The following TBC1D32 variants were observed in gnomAD, a reference collection of about 807,000 sequenced individuals.
TBC1D32 encodes TBC1 domain family member 32.
Under a neutral mutation model 170.3 loss-of-function variants are expected in TBC1D32, and 151 were observed. The observed-to-expected ratio is 0.89, with a 90% confidence interval of 0.78 to 1.01. The LOEUF is 1.01. TBC1D32 is among the 50% of genes least tolerant of loss of function. The probability of loss-of-function intolerance (pLI) is 0.00; values close to 1 mark genes in which losing one functional copy is unlikely to be tolerated. For synonymous variants in TBC1D32, 498 were observed against 488.0 expected (o/e 1.02, Z -0.27); for missense variants, 1,464 against 1,457.1 (o/e 1.00, Z -0.08).
chr6:121,244,784 C>T (rs866999510), intron 17 of TBC1D32, among the ~76,000 whole-genome samples: 4 of 152,194 alleles, frequency 2.6e-5, no homozygotes, highest in African/African-American at 7.2e-5. Context: ...CATTGGGAGC[C>T]AATTTGTGGG....
At chr6:121,294,783 T>C (rs1403622052) in intron 10 of TBC1D32, 123 bp from the exon 11 acceptor site, 2 of 763,976 alleles carry the variant, frequency 2.6e-6, no homozygotes, top group African/African-American at 1.8e-5. Flanking sequence ...TTTAGTACAG[T>C]ACCTTTCTAG....
At chr6:121,114,579 G>T (rs1369593666) in intron 27 of TBC1D32, among the ~76,000 whole-genome samples, 1 of 151,970 alleles carries the variant, frequency 6.6e-6, no homozygotes, top group Non-Finnish European at 1.5e-5. Context: ...AAAATACCCA[G>T]CTTTTTAAAC....
rs1252089409 is a variant in TBC1D32 at position 121,091,015 on chromosome 6, AC to A, written c.3491del (p.Cys1164PhefsTer6). 6.2e-7 allele frequency: 1 copy of A among 1,609,180 alleles called. No individual in the cohort carries two copies. Among genetic ancestry groups the A allele is most frequent in the South Asian group, 1.1e-5 (1 of 90,048 alleles). ...CTATCCAATCTAAGTAATTCCAAAA[AC>A]ACTGGGTTATCCATTGCAGGCAAAT... is the stretch of plus-strand genomic sequence containing the variant. ...SQICLQWITQ[C>X]FWNYLDWIEI... On this transcript the variant is annotated frameshift_variant, in exon 31 of 32. Transcript: ENST00000398212. LOFTEE classifies it high-confidence loss of function.
chr6:121,326,578 G>A (rs1810489734), intron 1 of TBC1D32, among the ~76,000 whole-genome samples: 1 of 152,118 alleles, frequency 6.6e-6, no homozygotes, highest in Admixed American at 6.5e-5. Flanking sequence ...AATCTACTCT[G>A]TGGAAATCGG....
intron 15 of TBC1D32, among the ~76,000 whole-genome samples, chr6:121,276,853 G>A (rs1802288851): frequency 6.6e-6 from 1 of 152,072 alleles, no homozygotes; most frequent in Non-Finnish European, 1.5e-5. Flanking sequence ...TTTCCAAGAA[G>A]ACATAACAAT....
chr6:121,266,950 T>C (rs1223205898), intron 15 of TBC1D32, among the ~76,000 whole-genome samples: 2 of 151,100 alleles, frequency 1.3e-5, no homozygotes, highest in Admixed American at 6.6e-5. Context: ...TCAGGACAAA[T>C]AGATAATGCA....
intron 12 of TBC1D32, among the ~76,000 whole-genome samples, chr6:121,291,847 A>G (rs1420174526): frequency 1.4e-5 from 2 of 145,104 alleles, no homozygotes; most frequent in African/African-American, 4.9e-5. Context: ...AAGGAATAAT[A>G]ATAAAAAAAA....
chr6:121,310,479 T>C (rs77598847), intron 4 of TBC1D32, among the ~76,000 whole-genome samples: 2,882 of 148,886 alleles, frequency 0.019, 31 homozygotes, highest in South Asian at 0.042. Context: ...CAATGTTACA[T>C]ATAAAATAAC....
intron 22 of TBC1D32, among the ~76,000 whole-genome samples, chr6:121,172,208 C>G (rs1453358271): frequency 6.6e-6 from 1 of 151,628 alleles, no homozygotes; most frequent in African/African-American, 2.4e-5. Context: ...CATTAAACCT[C>G]TTTTTCTTTG....
Position 121,255,420 on chromosome 6 carries a change from A to T in TBC1D32, c.1936-10T>A, listed in dbSNP as rs778067555. 16 of 1,387,642 alleles carry T rather than the reference A, an allele frequency of 1.2e-5. No individual in the cohort carries two copies. The Middle Eastern group carries it at 5.7e-4, about 50-fold the overall frequency. 86.0% of individuals were successfully genotyped at this position (1,387,642 alleles called of 1,614,324 possible). ...CTGATAGCAAACTTGTCTAAAAAAT[A>T]GTAGAATAATTTATATTGCTTACTG... On this transcript the variant is annotated splice_polypyrimidine_tract_variant and intron_variant, in intron 16 of 31. Coordinates refer to ENST00000398212, the MANE Select transcript of TBC1D32 (RefSeq NM_152730.6).
chr6:121,102,480 A>C (rs1374479158), intron 30 of TBC1D32, among the ~76,000 whole-genome samples: 2 of 152,086 alleles, frequency 1.3e-5, no homozygotes, highest in African/African-American at 4.8e-5. Flanking sequence ...CAAAAACAAG[A>C]AATGGGGAAA....
intron 22 of TBC1D32, among the ~76,000 whole-genome samples, chr6:121,200,886 G>A (rs1027319663): frequency 2.0e-5 from 3 of 151,314 alleles, no homozygotes; most frequent in African/African-American, 7.4e-5. Flanking sequence ...GAGATAAGGA[G>A]TCTAACCTCC....
intron 16 of TBC1D32, 140 bp downstream of exon 16, chr6:121,255,944 A>G: frequency 1.4e-6 from 1 of 718,510 alleles, no homozygotes; most frequent in Non-Finnish European, 2.3e-6. Flanking sequence ...AAGATGCATT[A>G]TGTCCCCTAG....
At chr6:121,254,312 CA>C (rs1283661794) in intron 17 of TBC1D32, among the ~76,000 whole-genome samples, 1 of 151,966 alleles carries the variant, frequency 6.6e-6, no homozygotes, top group Non-Finnish European at 1.5e-5. Flanking sequence ...GTGATGGATG[CA>C]CAAAAAGCTC....
At chr6:121,279,268 G>A in intron 14 of TBC1D32, 23 bp from the exon 15 acceptor site, 1 of 1,594,354 alleles carries the variant, frequency 6.3e-7, no homozygotes, top group South Asian at 1.2e-5. Flanking sequence ...AAGAAAACAA[G>A]ACAAATCACA....
chr6:121,112,573 G>A lies in TBC1D32; in HGVS notation c.3256C>T (p.Gln1086Ter). 1 of 1,610,992 alleles carries A rather than the reference G, an allele frequency of 6.2e-7. No individual in the cohort carries two copies. The highest frequency in any genetic ancestry group is 8.5e-7 in the Non-Finnish European group (1 of 1,178,186). Reference sequence around the variant, plus strand: ...AGCCTGGAGAATTGATGAAGAAATTGGAATGTTTTTTCTTTGTCTCCCAAC... The same window carrying A: ...AGCCTGGAGAATTGATGAAGAAATTAGAATGTTTTTTCTTTGTCTCCCAAC... Reference protein sequence around the residue: ...IMLGDKEKTFQFLHQFSRLLT... With the variant: ...IMLGDKEKTF The change falls in exon 29 of 32, where the codon CAA becomes TAA. Residue 1086 changes from glutamine (Q) to a stop codon, truncating the protein, a stop_gained. Coordinates refer to ENST00000398212, the MANE Select transcript of TBC1D32 (RefSeq NM_152730.6). LOFTEE classifies it high-confidence loss of function.
intron 21 of TBC1D32, among the ~76,000 whole-genome samples, chr6:121,220,640 C>CTTTTTTT (rs923251281): frequency 9.1e-4 from 115 of 126,082 alleles, no homozygotes; most frequent in African/African-American, 2.3e-3. Flanking sequence ...TTTTCTTTTT[C>CTTTTTTT]TTTTTTTTTT....
At chr6:121,139,673 C>T (rs925198568) in intron 24 of TBC1D32, 42 of 152,194 alleles carry the variant, frequency 2.8e-4, no homozygotes, top group African/African-American at 8.9e-4. Context: ...TAAATTTCAA[C>T]ATCTTTTAAT....
At chr6:121,127,893 C>G (rs1341493239) in intron 25 of TBC1D32, among the ~76,000 whole-genome samples, 1 of 152,126 alleles carries the variant, frequency 6.6e-6, no homozygotes, top group Non-Finnish European at 1.5e-5. Flanking sequence ...AAGTAAAGTG[C>G]TTGAGTTAAT....
Sources: allele counts gnomAD v4.1 joint callset (sites outside exome capture counted in the v4.1 genomes callset), GRCh38; gene constraint gnomAD v4.1.1; transcripts MANE v1.5; gene names NCBI Gene and HGNC (gene_info 2026-07-23, HGNC 2026-07-21).